The following RTL4 variants were observed in gnomAD, a reference collection of about 807,000 sequenced individuals.
RTL4 encodes the protein retrotransposon Gag like 4.
In RTL4, 4 loss-of-function variants were observed where a neutral mutation model predicts 5.3. The ratio of observed to expected loss-of-function variants is 0.75; its 90% CI spans 0.37 to 1.72. RTL4 has a LOEUF of 1.72. RTL4 is among the 40% of genes most tolerant of loss of function. The pLI, the probability that RTL4 is intolerant of heterozygous loss-of-function variation, is 0.04. For missense variants in RTL4, 260 were observed against 227.1 expected (o/e 1.14, Z -0.93); for synonymous variants, 98 against 87.3 (o/e 1.12, Z -0.68).
At chrX:112,270,400 T>A in the RTL4 span, among the ~76,000 whole-genome samples, 3 of 112,184 alleles carry the variant, frequency 2.7e-5, no homozygotes, top group Non-Finnish European at 5.6e-5. Flanking sequence ...ACTTTTGGAT[T>A]AACATAATGA....
chrX:112,190,207 T>TCTTTTTCTTTC, the RTL4 span, among the ~76,000 whole-genome samples: 1 of 99,099 alleles, frequency 1.0e-5, no homozygotes, highest in Admixed American at 1.2e-4. Context: ...TTTCTTTCTT[T>TCTTTTTCTTTC]TTTCTATACC....
the RTL4 span, among the ~76,000 whole-genome samples, chrX:112,126,178 A>G: frequency 5.4e-5 from 6 of 112,097 alleles, no homozygotes; most frequent in African/African-American, 1.6e-4. Context: ...GAAGTTGTTA[A>G]CACAAGCTGG....
At chrX:112,093,272 C>G in the RTL4 span, among the ~76,000 whole-genome samples, 168 of 111,376 alleles carry the variant, frequency 1.5e-3, 1 homozygote, top group African/African-American at 5.2e-3. Flanking sequence ...TAAATCAAGA[C>G]ACTTCCCTAC....
chrX:112,292,151 T>A, the RTL4 span, among the ~76,000 whole-genome samples: 18 of 112,098 alleles, frequency 1.6e-4, no homozygotes, highest in South Asian at 6.7e-3. Flanking sequence ...GTCTGTATTT[T>A]CCATGCTTTA....
At chrX:112,291,834 A>G in the RTL4 span, among the ~76,000 whole-genome samples, 1 of 110,225 alleles carries the variant, frequency 9.1e-6, no homozygotes, top group Admixed American at 9.7e-5. Context: ...TGACCTCGTA[A>G]TCCGCCCCCC....
chrX:112,441,975 G>A, the RTL4 span, among the ~76,000 whole-genome samples: 2 of 111,590 alleles, frequency 1.8e-5, no homozygotes, highest in Non-Finnish European at 3.8e-5. Flanking sequence ...GCCACAACAT[G>A]GATAAACCTT....
the RTL4 span, among the ~76,000 whole-genome samples, chrX:112,327,670 T>C: frequency 9.1e-6 from 1 of 109,526 alleles, no homozygotes; most frequent in Non-Finnish European, 1.9e-5. Context: ...ACAAAGATAC[T>C]CCTCGAGAAG....
the RTL4 span, among the ~76,000 whole-genome samples, chrX:112,418,078 G>A: frequency 2.7e-5 from 3 of 111,436 alleles, no homozygotes; most frequent in Non-Finnish European, 3.8e-5. Flanking sequence ...AACCCAGGAG[G>A]TGGAGGTTGC....
At chrX:112,278,456 G>A in the RTL4 span, among the ~76,000 whole-genome samples, 1 of 111,872 alleles carries the variant, frequency 8.9e-6, no homozygotes, top group Non-Finnish European at 1.9e-5. Flanking sequence ...TCTAACAAAT[G>A]GCCCAGGCAG....
At chrX:112,302,037 G>A in the RTL4 span, among the ~76,000 whole-genome samples, 6 of 109,826 alleles carry the variant, frequency 5.5e-5, no homozygotes, top group African/African-American at 1.7e-4. Context: ...AAGGTGGGTG[G>A]ATCACGAAGT....
chrX:112,345,320 G>A, the RTL4 span, among the ~76,000 whole-genome samples: 1 of 110,891 alleles, frequency 9.0e-6, no homozygotes, highest in South Asian at 3.9e-4. Context: ...TTCAGTTCCC[G>A]GACTATATAG....
chrX:112,255,814 C>T, the RTL4 span, among the ~76,000 whole-genome samples: 1 of 111,897 alleles, frequency 8.9e-6, no homozygotes, highest in African/African-American at 3.2e-5. Flanking sequence ...ATCCGTTCTT[C>T]CTCTGTCTCC....
chrX:112,406,561 C>A, the RTL4 span, among the ~76,000 whole-genome samples: 1 of 111,384 alleles, frequency 9.0e-6, no homozygotes, highest in Non-Finnish European at 1.9e-5. Context: ...CCATGCCCCC[C>A]CTCCAACACT....
the RTL4 span, among the ~76,000 whole-genome samples, chrX:112,354,849 C>T: frequency 9.0e-6 from 1 of 111,113 alleles, no homozygotes; most frequent in African/African-American, 3.3e-5. Context: ...TGGAGATGTC[C>T]AGTTTTCAAG....
chrX:112,175,414 G>T, the RTL4 span, among the ~76,000 whole-genome samples: 1 of 108,732 alleles, frequency 9.2e-6, no homozygotes, highest in African/African-American at 3.3e-5. Context: ...ATTTCTGAGG[G>T]CTCTGTTCTG....
At chrX:112,207,634 G>C in the RTL4 span, among the ~76,000 whole-genome samples, 1 of 95,889 alleles carries the variant, frequency 1.0e-5, no homozygotes, top group Non-Finnish European at 2.0e-5. Context: ...TTTTCTAGTG[G>C]CATTGTTTTT....
chrX:112,389,149 C>T, the RTL4 span, among the ~76,000 whole-genome samples: 6 of 109,938 alleles, frequency 5.5e-5, no homozygotes, highest in East Asian at 1.4e-3. Flanking sequence ...CTGGTTCAGT[C>T]TTGGGAGGGT....
the RTL4 span, among the ~76,000 whole-genome samples, chrX:112,225,246 T>C: frequency 9.0e-6 from 1 of 111,549 alleles, no homozygotes; most frequent in Non-Finnish European, 1.9e-5. Flanking sequence ...GACTAAACCT[T>C]GGTCTCTCCT....
At chrX:112,406,807 G>A in the RTL4 span, among the ~76,000 whole-genome samples, 1 of 110,428 alleles carries the variant, frequency 9.1e-6, no homozygotes, top group Non-Finnish European at 1.9e-5. Flanking sequence ...ATCTTGGATA[G>A]CAGCTCAGCC....
Sources: allele counts gnomAD v4.1 joint callset (sites outside exome capture counted in the v4.1 genomes callset), GRCh38; gene constraint gnomAD v4.1.1; transcripts MANE v1.5; gene names NCBI Gene and HGNC (gene_info 2026-07-23, HGNC 2026-07-21).